Variants in RBFOX1 observed in about 807,000 individuals in gnomAD.
RBFOX1 encodes the protein RNA binding protein fox-1 homolog 1.
Under a neutral mutation model 57.7 loss-of-function variants are expected in RBFOX1, and 8 were observed. The ratio of observed to expected loss-of-function variants is 0.14; its 90% CI spans 0.08 to 0.25. The LOEUF (loss-of-function observed/expected upper bound fraction) is 0.25. Among genes scored for constraint, RBFOX1 ranks in the 10% least tolerant of loss-of-function variants. The probability of loss-of-function intolerance (pLI) is 1.00; values close to 1 mark genes in which losing one functional copy is unlikely to be tolerated. For synonymous variants in RBFOX1, 326 were observed against 222.4 expected, an observed-to-expected ratio of 1.47 and a Z score of -4.15; for missense variants, 611 against 548.5, an observed-to-expected ratio of 1.11 and a Z score of -1.14.
At chr16:7,374,243 C>T (rs2097641323) in intron 4 of RBFOX1, among the ~76,000 whole-genome samples, 1 of 152,160 alleles carries the variant, frequency 6.6e-6, no homozygotes, top group Non-Finnish European at 1.5e-5. Context: ...CCCGTGGAAT[C>T]ACATTTCTTA....
chr16:7,578,345 C>G (rs1204311016), intron 5 of RBFOX1, among the ~76,000 whole-genome samples: 1 of 152,178 alleles, frequency 6.6e-6, no homozygotes, highest in Non-Finnish European at 1.5e-5. Flanking sequence ...ATGACTTGCA[C>G]TTAAAAGCTG....
rs893543299 is a variant in RBFOX1, at chr16:7,615,877, T to C, written c.676+8539T>C. Among the ~76,000 whole-genome samples the C allele has an allele frequency of 2.0e-5, 3 of 152,184 alleles. No homozygotes were observed. The South Asian group carries it at 6.2e-4, about 32-fold the overall frequency. On this transcript the variant is annotated intron_variant, in intron 10 of 15. Transcript: ENST00000550418. ...ATAGTGCTGGGTTTGAGAAATTCTGTCCTCATTGACGCTATTCGAGATGCC... is the reference window on the plus strand; with the variant it reads ...ATAGTGCTGGGTTTGAGAAATTCTGCCCTCATTGACGCTATTCGAGATGCC...
intron 2 of RBFOX1, among the ~76,000 whole-genome samples, chr16:6,418,519 ATTTTTTTTTTT>A (rs567448072): frequency 5.9e-5 from 6 of 100,944 alleles, no homozygotes; most frequent in East Asian, 5.4e-4. Flanking sequence ...TGCAAGCCTT[ATTTTTTTTTTT>A]TTTTTTTTTT....
chr16:6,342,718 G>C (rs1007302711), intron 2 of RBFOX1, among the ~76,000 whole-genome samples: 1 of 152,062 alleles, frequency 6.6e-6, no homozygotes, highest in African/African-American at 2.4e-5. Flanking sequence ...AAATGTGTTT[G>C]GTATTTGATA....
At chr16:7,468,509 T>A (rs894650704) in intron 4 of RBFOX1, among the ~76,000 whole-genome samples, 1 of 151,728 alleles carries the variant, frequency 6.6e-6, no homozygotes, top group South Asian at 2.1e-4. Flanking sequence ...CATTGGAGTT[T>A]CCTTCCTTCT....
chr16:6,753,573 CTG>C (rs1024347896), intron 3 of RBFOX1, among the ~76,000 whole-genome samples: 4 of 152,114 alleles, frequency 2.6e-5, no homozygotes, highest in African/African-American at 9.7e-5. Context: ...TTAATAGAGA[CTG>C]TGCAATTTCA....
intron 3 of RBFOX1, among the ~76,000 whole-genome samples, chr16:6,740,952 G>A (rs2071883796): frequency 6.6e-6 from 1 of 152,188 alleles, no homozygotes; most frequent in African/African-American, 2.4e-5. Flanking sequence ...GGACAAACCA[G>A]TCTACCTAGT....
chr16:6,279,562 T>A (rs1458126849), intron 1 of RBFOX1, among the ~76,000 whole-genome samples: 1 of 152,174 alleles, frequency 6.6e-6, no homozygotes, highest in Non-Finnish European at 1.5e-5. Flanking sequence ...CTTGTGTAAG[T>A]CTCACTGAAT....
At chr16:7,632,936 G>C (rs572915867) in intron 11 of RBFOX1, among the ~76,000 whole-genome samples, 10 of 152,288 alleles carry the variant, frequency 6.6e-5, no homozygotes, top group African/African-American at 2.4e-4. Flanking sequence ...AATTGGTATA[G>C]CTATTCTAAA....
chr16:7,550,226 TCTC>T (rs2085913739), intron 5 of RBFOX1, among the ~76,000 whole-genome samples: 1 of 151,158 alleles, frequency 6.6e-6, no homozygotes, highest in Admixed American at 6.6e-5. Context: ...AGCCTACCCT[TCTC>T]CTGAGTGAGT....
intron 5 of RBFOX1, among the ~76,000 whole-genome samples, chr16:7,568,726 A>G (rs1326860656): frequency 2.0e-5 from 3 of 151,846 alleles, no homozygotes; most frequent in Non-Finnish European, 4.4e-5. Flanking sequence ...TCTACTAAAA[A>G]TACAAAAAAA....
intron 3 of RBFOX1, among the ~76,000 whole-genome samples, chr16:5,669,697 C>T (rs1475323942): frequency 3.3e-5 from 5 of 152,222 alleles, no homozygotes; most frequent in Non-Finnish European, 7.4e-5. Flanking sequence ...AGATTACAGG[C>T]GTGAGCCACC....
At chr16:7,117,291 T>C (rs1026243734) in intron 4 of RBFOX1, among the ~76,000 whole-genome samples, 1 of 152,134 alleles carries the variant, frequency 6.6e-6, no homozygotes, top group East Asian at 1.9e-4. Flanking sequence ...TATAAAGTTA[T>C]TTAATTAGAA....
Position 5,968,219 on chromosome 16 carries a change from C to T in RBFOX1, c.351+100884C>T, listed in dbSNP as rs138045382. Among the ~76,000 whole-genome samples the T allele has an allele frequency of 4.5e-4, 68 of 152,146 alleles. No individual in the cohort carries two copies. The East Asian group carries it at 0.012, about 27-fold the overall frequency. On this transcript the variant is annotated intron_variant, in intron 4 of 19. Coordinates refer to the RBFOX1 transcript ENST00000641259. ...CCTCCCCAGTAGCTGGGATTATGGGCATGTACCACCATGCCCGGTTAATTT... is the reference window on the plus strand; with the variant it reads ...CCTCCCCAGTAGCTGGGATTATGGGTATGTACCACCATGCCCGGTTAATTT...
intron 2 of RBFOX1, among the ~76,000 whole-genome samples, chr16:6,543,699 T>G (rs1213513440): frequency 4.6e-5 from 7 of 152,192 alleles, no homozygotes; most frequent in African/African-American, 1.7e-4. Flanking sequence ...CCTACGGGAT[T>G]ATGTGGAAGT....
intron 2 of RBFOX1, among the ~76,000 whole-genome samples, chr16:6,486,494 C>T (rs1005134366): frequency 2.6e-5 from 4 of 152,122 alleles, no homozygotes; most frequent in Middle Eastern, 3.4e-3. Context: ...AAAAACTTCA[C>T]GTGTCTTAGT....
intron 2 of RBFOX1, among the ~76,000 whole-genome samples, chr16:5,572,060 C>T (rs1342457722): frequency 2.0e-5 from 3 of 152,132 alleles, no homozygotes; most frequent in African/African-American, 7.2e-5. Context: ...TGACATAGAA[C>T]AAGCTCTGCA....
intron 3 of RBFOX1, among the ~76,000 whole-genome samples, chr16:6,900,693 C>T (rs1265329705): frequency 6.6e-6 from 1 of 152,194 alleles, no homozygotes; most frequent in South Asian, 2.1e-4. Context: ...CTTCTGGTCT[C>T]AGAATCTGTA....
At chr16:6,557,028 TATATAC>T (rs1443017040) in intron 2 of RBFOX1, among the ~76,000 whole-genome samples, 2 of 134,610 alleles carry the variant, frequency 1.5e-5, no homozygotes, top group African/African-American at 6.5e-5. Flanking sequence ...TATATATACA[TATATAC>T]ACATATATAT....
Sources: gnomAD v4.1 joint callset for allele counts (sites outside exome capture counted in the v4.1 genomes callset) on GRCh38, gnomAD v4.1.1 for gene constraint, MANE v1.5 for transcripts, NCBI Gene and HGNC (gene_info 2026-07-23, HGNC 2026-07-21) for gene names.